Variants in RBMX observed in about 807,000 individuals in gnomAD.
RBMX encodes RNA binding motif protein X-linked, also known as RNA-binding motif protein, X chromosome.
In RBMX, 1 loss-of-function variant was observed where a neutral mutation model predicts 29.3. The observed-to-expected ratio is 0.03, with a 90% confidence interval of 0.01 to 0.16. The LOEUF (loss-of-function observed/expected upper bound fraction) is 0.16. Ranked by LOEUF, RBMX falls within the 10% of genes least tolerant of loss-of-function variation. RBMX has a pLI of 1.00. For synonymous variants in RBMX, 102 were observed against 102.3 expected (o/e 1.00, Z 0.02); for missense variants, 121 against 333.2 (o/e 0.36, Z 4.96).
In RBMX at chrX:136,879,458, T is replaced by C; in HGVS notation, c.-26-5A>G. 8.9e-7 allele frequency: 1 copy of C among 1,124,517 alleles called. No individual in the cohort carries two copies. 92.7% of individuals were successfully genotyped at this position (1,124,517 alleles called of 1,213,427 possible). ...TTTTTTTTTGGGCCGGTGAGTCTGT[T>C]GAAAAGGAATAGTATTACCTCACTG... On this transcript the variant is annotated splice_polypyrimidine_tract_variant and splice_region_variant and intron_variant, in intron 1 of 8. Coordinates refer to ENST00000320676, the MANE Select transcript of RBMX (RefSeq NM_002139.4).
chrX:136,872,329 T>C (rs2077690335), downstream of RBMX: 1 of 1,165,643 alleles, frequency 8.6e-7, no homozygotes, highest in Non-Finnish European at 1.1e-6. Flanking sequence ...ACGACCATAA[T>C]GAGCAAAATC....
At chrX:136,873,139 C>T (rs1330618275), downstream of RBMX, 1 of 107,851 alleles carries the variant, frequency 9.3e-6, no homozygotes, top group Non-Finnish European at 1.9e-5. Context: ...TTTTTTTAAT[C>T]TAGAAGGCAT....
intron 4 of RBMX, among the ~76,000 whole-genome samples, chrX:136,877,626 A>T (rs768413512): frequency 9.1e-6 from 1 of 109,673 alleles, no homozygotes; most frequent in South Asian, 4.0e-4. Flanking sequence ...AACTTTAAAA[A>T]ATAAAAATGA....
chrX:136,875,977 T>C (rs912645975), intron 5 of RBMX, among the ~76,000 whole-genome samples: 2 of 109,757 alleles, frequency 1.8e-5, no homozygotes, highest in African/African-American at 6.7e-5. Context: ...AACTTTTGTA[T>C]CTTTAGTAGA....
chrX:136,876,689 CTCACAAGAA>C, intron 4 of RBMX, 34 bp from the exon 5 acceptor site: 1 of 1,102,191 alleles, frequency 9.1e-7, no homozygotes, highest in Non-Finnish European at 1.2e-6. Context: ...AATATTACTA[CTCACAAGAA>C]TCAAGAAAGA....
intron 5 of RBMX, among the ~76,000 whole-genome samples, chrX:136,876,272 C>T (rs1019232700): frequency 6.5e-5 from 7 of 107,986 alleles, no homozygotes; most frequent in Non-Finnish European, 1.3e-4. Flanking sequence ...TACAGGAACC[C>T]GCCCTACACT....
Position 136,876,725 on chromosome X carries a change from T to C in RBMX, c.389-70A>G, listed in dbSNP as rs1024135150. 6 of 988,485 alleles carry C rather than the reference T, an allele frequency of 6.1e-6. No homozygotes were observed. The African/African-American group carries it at 1.2e-4, about 20-fold the overall frequency. 81.5% of individuals were successfully genotyped at this position (988,485 alleles called of 1,213,427 possible). A position where few individuals can be genotyped will look rare whatever the true frequency, so the allele number is the denominator to read the frequency against. On this transcript the variant is annotated intron_variant, in intron 4 of 8. Coordinates refer to ENST00000320676, the MANE Select transcript of RBMX (RefSeq NM_002139.4). ...CAAGAAAGATATAAAAGTTTTTTTT[T>C]TTTTTTGAGAGTCTCACTGTCGCCC... is the stretch of plus-strand genomic sequence containing the variant.
At chrX:136,873,026 GC>G (rs1444214158), downstream of RBMX, 3 of 105,076 alleles carry the variant, frequency 2.9e-5, no homozygotes, top group Non-Finnish European at 5.8e-5. Flanking sequence ...TATTAATAAA[GC>G]CTTTAAGTGT....
At chrX:136,880,096 T>A (rs2148714614) in intron 1 of RBMX, among the ~76,000 whole-genome samples, 1 of 112,090 alleles carries the variant, frequency 8.9e-6, no homozygotes, top group African/African-American at 3.2e-5. Context: ...CGGAACCTAA[T>A]TAAAACTCGT....
At chrX:136,878,172 C>CA in intron 3 of RBMX, 86 bp from the exon 4 acceptor site, 5 of 833,227 alleles carry the variant, frequency 6.0e-6, no homozygotes, top group Non-Finnish European at 6.6e-6. Context: ...ACTGGTCCTT[C>CA]AAAATGCAGT....
chrX:136,874,542 A>G (rs755595538), intron 8 of RBMX, 90 bp from the exon 9 acceptor site: 2 of 1,067,277 alleles, frequency 1.9e-6, no homozygotes. Context: ...TCTTGTATTA[A>G]AAGTTTACTT....
intron 1 of RBMX, among the ~76,000 whole-genome samples, chrX:136,880,063 C>T (rs1254140492): frequency 1.8e-5 from 2 of 112,330 alleles, no homozygotes; most frequent in African/African-American, 6.5e-5. Flanking sequence ...CACACACTAA[C>T]ACTCGACACT....
chrX:136,875,441 T>A (rs2306222), intron 6 of RBMX, 30 bp downstream of exon 6: 41,886 of 1,205,189 alleles, frequency 0.035, 689 homozygotes, highest in East Asian at 0.1. Context: ...ACCTTAATTA[T>A]TAATTTAAAA....
Position 136,874,330 on chromosome X carries a change from T to C in RBMX, c.988A>G (p.Ser330Gly), listed in dbSNP as rs1382911435. 2 of 1,212,377 alleles carry C rather than the reference T, an allele frequency of 1.6e-6. No homozygotes were observed. Among genetic ancestry groups the C allele is most frequent in the Non-Finnish European group, 2.2e-6 (2 of 895,628 alleles). The part of the protein sequence containing the change: ...YGGSRDSYSS[S>G]RSDLYSSGRD... ...CCACTTGAGTAGAGATCACTTCGGC[T>C]GCTTGAGTAACTGTCTCGACTTCCA... Residue 330 changes from serine to glycine, a missense_variant, in exon 9 of 9, where the codon AGC becomes GGC. Around this residue, in one of 2 missense-constraint regions of RBMX, gnomAD observed 114 missense variants for 260.0 expected, o/e 0.44. Coordinates refer to ENST00000320676, the MANE Select transcript of RBMX (RefSeq NM_002139.4).
At chrX:136,877,791 G>C in intron 4 of RBMX, 124 bp downstream of exon 4, 1 of 617,394 alleles carries the variant, frequency 1.6e-6, no homozygotes, top group Non-Finnish European at 2.4e-6. Context: ...TTTGGTAGAT[G>C]AACAAGTGTT....
rs190869034 is a variant in RBMX, at chrX:136,874,359, T to C, written c.959A>G (p.Tyr320Cys). The change falls in exon 9 of 9, where the codon TAT becomes TGT. Residue 320 changes from tyrosine to cysteine, a missense_variant. Tyr to Cys is a radical substitution (Grantham distance 194, BLOSUM62 -2). Coordinates refer to ENST00000320676, the MANE Select transcript of RBMX (RefSeq NM_002139.4). ...YDDYSSSRDG[Y>C]GGSRDSYSSS... is the part of the protein sequence containing the mutation. ...TGAGTAACTGTCTCGACTTCCACCA[T>C]ATCCGTCACGTGAGCTGCTGTAATC... 1 of 1,212,435 alleles carries C rather than the reference T, an allele frequency of 8.2e-7. No homozygotes were observed. The highest frequency in any genetic ancestry group is 1.7e-5 in the African/African-American group (1 of 58,088).
intron 4 of RBMX, among the ~76,000 whole-genome samples, chrX:136,877,327 T>TCCCCCCC (rs1214325421): frequency 3.3e-5 from 1 of 29,856 alleles, no homozygotes; most frequent in Non-Finnish European, 5.5e-5. Flanking sequence ...TGCTAAACTC[T>TCCCCCCC]ACCCCCCCCC....
chrX:136,877,437 G>A (rs1184408832), intron 4 of RBMX, among the ~76,000 whole-genome samples: 2 of 97,370 alleles, frequency 2.1e-5, no homozygotes, highest in Non-Finnish European at 2.0e-5. Context: ...AAGAACTGAA[G>A]GTAGTCTTAA....
downstream of RBMX, among the ~76,000 whole-genome samples, chrX:136,871,811 G>GTTTTT (rs750533072): frequency 2.7e-5 from 2 of 74,938 alleles, no homozygotes; most frequent in Non-Finnish European, 5.2e-5. Flanking sequence ...CACGCCCGGT[G>GTTTTT]TTTTTTTTTT....
Sources: gnomAD v4.1 joint callset for allele counts (sites outside exome capture counted in the v4.1 genomes callset) on GRCh38, gnomAD v4.1.1 for gene constraint, gnomAD v4.1.1 regional missense constraint, MANE v1.5 for transcripts, NCBI Gene and HGNC (gene_info 2026-07-23, HGNC 2026-07-21) for gene names.